TTC39A: variants seen among roughly 807,000 people sequenced by gnomAD.
TTC39A encodes tetratricopeptide repeat domain 39A.
TTC39A carries 46 observed loss-of-function variants against 82.3 expected under a neutral mutation model. The ratio of observed to expected loss-of-function variants is 0.56; its 90% confidence interval spans 0.44 to 0.71. TTC39A has a LOEUF of 0.71. TTC39A is among the 30% of genes least tolerant of loss of function. The pLI is 0.00. For synonymous variants in TTC39A, 254 were observed against 275.2 expected, an observed-to-expected ratio of 0.92 and a Z score of 0.76; for missense variants, 543 against 712.9, an observed-to-expected ratio of 0.76 and a Z score of 2.71.
chr1:51,332,011 G>C (rs982694273), upstream of TTC39A, among the ~76,000 whole-genome samples: 2 of 152,164 alleles, frequency 1.3e-5, no homozygotes, highest in African/African-American at 2.4e-5. Flanking sequence ...GATGAGGCTG[G>C]GGCCCCTATC....
chr1:51,304,022 G>A (rs1362063125), intron 8 of TTC39A, among the ~76,000 whole-genome samples: 1 of 152,220 alleles, frequency 6.6e-6, no homozygotes, highest in Non-Finnish European at 1.5e-5. Flanking sequence ...TCACGGTGAG[G>A]GTTTTCCCTT....
intron 5 of TTC39A, 85 bp downstream of exon 5, chr1:51,311,162 GGGTCACA>G (rs1645068739): frequency 1.6e-6 from 2 of 1,217,676 alleles, no homozygotes; most frequent in Non-Finnish European, 2.3e-6. Flanking sequence ...TATGGGGGAT[GGGTCACA>G]GTTGCTCTAG....
At chr1:51,309,501 T>C (rs760388083) in intron 5 of TTC39A, 176 bp from the exon 6 acceptor site, 239 of 1,418,756 alleles carry the variant, frequency 1.7e-4, no homozygotes, top group Non-Finnish European at 2.1e-4. Flanking sequence ...ACCTCTAAAA[T>C]GCCCAGGGTT....
intron 14 of TTC39A, among the ~76,000 whole-genome samples, chr1:51,293,446 T>G (rs1205711175): frequency 3.3e-5 from 5 of 152,234 alleles, no homozygotes; most frequent in Non-Finnish European, 5.9e-5. Context: ...ACTATATAAA[T>G]ATTGACCGTT....
intron 1 of TTC39A, among the ~76,000 whole-genome samples, chr1:51,340,392 A>G (rs961241115): frequency 6.6e-6 from 1 of 152,150 alleles, no homozygotes; most frequent in Non-Finnish European, 1.5e-5. Flanking sequence ...GAGCATGAAA[A>G]ACAGCAGGGG....
chr1:51,334,971 T>C (rs1488973853), upstream of TTC39A: 6 of 152,476 alleles, frequency 3.9e-5, no homozygotes, highest in Admixed American at 3.9e-4. Flanking sequence ...ACCATCATCA[T>C]TTCTGCCTCC....
rs574994026 is a variant in TTC39A at position 51,298,199 on chromosome 1, C to G, written c.1054-2029G>C. ...ACGTGAGCCTTGAGGGGGTCTTTTC[C>G]TGCTCATGCTTGTATTTCCTGCCTT... On this transcript the variant is annotated intron_variant, in intron 12 of 17. Coordinates refer to ENST00000680483, the MANE Select transcript of TTC39A (RefSeq NM_001297663.2). 2.6e-5 allele frequency: 4 copies of G among 152,470 alleles called. No individual in the cohort carries two copies. The South Asian group carries it at 8.3e-4, about 32-fold the overall frequency. 9.4% of individuals were successfully genotyped at this position (152,470 alleles called of 1,614,324 possible). A position where few individuals can be genotyped will look rare whatever the true frequency, so the allele number is the denominator to read the frequency against.
chr1:51,334,636 C>T (rs10082157), upstream of TTC39A: 8,655 of 150,884 alleles, frequency 0.057, 754 homozygotes, highest in African/African-American at 0.19. Flanking sequence ...GCCTGGGTAA[C>T]AGAGTGAGAC....
intron 1 of TTC39A, among the ~76,000 whole-genome samples, chr1:51,341,704 A>AAC (rs202169726): frequency 2.6e-4 from 39 of 151,778 alleles, no homozygotes; most frequent in Non-Finnish European, 3.7e-4. Context: ...TAAAAGCTTC[A>AAC]ACACACACAC....
At chr1:51,338,984 A>T (rs531802624) in intron 1 of TTC39A, among the ~76,000 whole-genome samples, 29 of 152,282 alleles carry the variant, frequency 1.9e-4, no homozygotes, top group African/African-American at 6.5e-4. Context: ...GATGTAAAGC[A>T]ATTGCCCACA....
At chr1:51,312,765 C>G (rs1452680982) in intron 3 of TTC39A, 47 bp downstream of exon 3, 5 of 1,596,178 alleles carry the variant, frequency 3.1e-6, no homozygotes, top group Non-Finnish European at 4.3e-6. Flanking sequence ...AGGGTGACAG[C>G]AGGGTGGGCC....
rs1216098958 is a variant in TTC39A at position 51,307,734 on chromosome 1, C to CA, written c.488+1526dup. Reference sequence around the variant, plus strand: ...TGGGCGACAGAGCAAGACTCTGTCTCAAAAAAAAAAAAAAAAAAAAGACTT... The same window carrying CA: ...TGGGCGACAGAGCAAGACTCTGTCTCAAAAAAAAAAAAAAAAAAAAAGACTT... On this transcript the variant is annotated intron_variant, in intron 6 of 17. Coordinates refer to ENST00000680483, the MANE Select transcript of TTC39A (RefSeq NM_001297663.2). 7.2e-3 allele frequency among the ~76,000 whole-genome samples: 539 copies of CA among 74,948 alleles called. 3 individuals are homozygous for CA. Among genetic ancestry groups the CA allele is most frequent in the East Asian group, 0.028 (65 of 2,362 alleles). The allele number at this position is 74,948 out of a possible 152,430, so 49.2% of individuals were successfully genotyped here.
In TTC39A at chr1:51,291,417, G is replaced by A. The variant is rs546791748; in HGVS notation, c.1267-792C>T. On this transcript the variant is annotated intron_variant, in intron 14 of 17. Coordinates refer to ENST00000680483, the MANE Select transcript of TTC39A (RefSeq NM_001297663.2). ...GAGACAGGAGAATCACTTGAATCCA[G>A]GAAGCGGAAGTTGCAGTGAGCCGAG... 1.9e-4 allele frequency among the ~76,000 whole-genome samples: 29 copies of A among 151,908 alleles called. No homozygotes were observed. In the South Asian group the frequency reaches 6.0e-3, roughly 32 times the overall value.
At chr1:51,322,034 A>T in intron 1 of TTC39A, 3 of 1,506,826 alleles carry the variant, frequency 2.0e-6, no homozygotes, top group Non-Finnish European at 2.7e-6. Context: ...GGGGAGCAGA[A>T]GGGAATGTCA....
chr1:51,336,000 C>G (rs1645969862), upstream of TTC39A, among the ~76,000 whole-genome samples: 1 of 152,026 alleles, frequency 6.6e-6, no homozygotes, highest in Non-Finnish European at 1.5e-5. Context: ...GCCCCTTCCC[C>G]CAGGCCTTTC....
chr1:51,301,937 G>C (rs908571242), intron 11 of TTC39A: 1 of 694,908 alleles, frequency 1.4e-6, no homozygotes, highest in African/African-American at 1.8e-5. Context: ...CATGACGTTG[G>C]GCTCAAATAC....
chr1:51,319,538 G>A (rs1254862506), intron 2 of TTC39A, among the ~76,000 whole-genome samples: 1 of 152,116 alleles, frequency 6.6e-6, no homozygotes. Context: ...AAATACAAGA[G>A]CCAATCCTAA....
At chr1:51,336,695 C>T (rs887725144) in intron 1 of TTC39A, among the ~76,000 whole-genome samples, 2 of 151,968 alleles carry the variant, frequency 1.3e-5, no homozygotes, top group Admixed American at 6.5e-5. Context: ...GCAATTCATC[C>T]GATTAGAGAA....
chr1:51,305,036 T>G (rs781211292), intron 8 of TTC39A, 45 bp downstream of exon 8: 24 of 1,594,484 alleles, frequency 1.5e-5, no homozygotes, highest in Admixed American at 6.7e-5. Context: ...CCAGCCCCAG[T>G]TCTGGGGCTG....
Sources: allele counts gnomAD v4.1 joint callset (sites outside exome capture counted in the v4.1 genomes callset), GRCh38; gene constraint gnomAD v4.1.1; transcripts MANE v1.5; gene names NCBI Gene and HGNC (gene_info 2026-07-23, HGNC 2026-07-21).